Variants in NLGN1 observed in about 807,000 individuals in gnomAD.
NLGN1 encodes neuroligin-1.
NLGN1 carries 12 observed loss-of-function variants against 65.5 expected under a neutral mutation model. The ratio of observed to expected loss-of-function variants is 0.18; its 90% CI spans 0.12 to 0.30. The LOEUF is 0.30. Among genes scored for constraint, NLGN1 ranks in the 10% least tolerant of loss-of-function variants. The pLI is 1.00. For missense variants in NLGN1, 750 were observed against 1,007.1 expected, an observed-to-expected ratio of 0.74 and a Z score of 3.46; for synonymous variants, 350 against 359.5, an observed-to-expected ratio of 0.97 and a Z score of 0.30.
intron 4 of NLGN1, among the ~76,000 whole-genome samples, chr3:174,264,683 C>T (rs1294933859): frequency 6.6e-6 from 1 of 151,710 alleles, no homozygotes; most frequent in Non-Finnish European, 1.5e-5. Flanking sequence ...CCCCTCAGCT[C>T]GTCAAAGTCA....
In NLGN1 at chr3:173,581,568, C is replaced by G. The variant is rs112956903; in HGVS notation, c.-320-22711C>G. ...ATTACATATATATTTTTTTCAATTT[C>G]AACCATATTTTCCCATTTAGGTGGT... On this transcript the variant is annotated intron_variant, in intron 2 of 6. Coordinates refer to ENST00000457714, the Ensembl canonical transcript of NLGN1. Among the ~76,000 whole-genome samples the G allele has an allele frequency of 9.1e-3, 1,388 of 151,934 alleles. 32 individuals are homozygous for G. Among genetic ancestry groups the G allele is most frequent in the African/African-American group, 0.032 (1,325 of 41,506 alleles).
chr3:174,266,081 A>G (rs1488596452), intron 4 of NLGN1, among the ~76,000 whole-genome samples: 2 of 149,184 alleles, frequency 1.3e-5, no homozygotes, highest in Non-Finnish European at 3.0e-5. Context: ...TTTTAGGTGC[A>G]GTGGCTATAT....
At chr3:173,833,732 G>T (rs1389536808) in intron 4 of NLGN1, among the ~76,000 whole-genome samples, 1 of 152,066 alleles carries the variant, frequency 6.6e-6, no homozygotes, top group Non-Finnish European at 1.5e-5. Flanking sequence ...TGTCCAGGCT[G>T]TTCTCAAACT....
chr3:173,766,514 T>G (rs1253312641), intron 3 of NLGN1, among the ~76,000 whole-genome samples: 1 of 152,170 alleles, frequency 6.6e-6, no homozygotes, highest in African/African-American at 2.4e-5. Context: ...AGTGGTATTT[T>G]CTACTTATTG....
chr3:174,044,959 A>G (rs1289036238), intron 4 of NLGN1, among the ~76,000 whole-genome samples: 2 of 151,992 alleles, frequency 1.3e-5, no homozygotes, highest in Non-Finnish European at 2.9e-5. Context: ...TCCTTCCACA[A>G]TGATTATAAG....
Position 173,533,206 on chromosome 3 carries a change from T to A in NLGN1, c.-320-71073T>A, listed in dbSNP as rs115453359. Among the ~76,000 whole-genome samples the A allele has an allele frequency of 6.7e-3, 1,021 of 152,342 alleles. 18 individuals carry two copies. Among genetic ancestry groups the A allele is most frequent in the African/African-American group, 0.023 (966 of 41,576 alleles). On this transcript the variant is annotated intron_variant, in intron 2 of 6. Coordinates refer to ENST00000457714, the Ensembl canonical transcript of NLGN1. The stretch of plus-strand genomic sequence containing the variant: ...TATTGGATAACTCACACAAAACTGT[T>A]ATACTTCAATTAAATCTGTATTAGA...
intron 3 of NLGN1, among the ~76,000 whole-genome samples, chr3:173,614,686 C>T (rs955607849): frequency 3.3e-5 from 5 of 152,032 alleles, no homozygotes; most frequent in African/African-American, 1.2e-4. Context: ...CTTGACCTAT[C>T]CCCAACTTCC....
At position 174,175,102 on chromosome 3, in the gene NLGN1, G is replaced by A. The variant is rs1729204283; in HGVS notation, c.647-100213G>A. On this transcript the variant is annotated intron_variant, in intron 4 of 6. Coordinates refer to ENST00000457714, the Ensembl canonical transcript of NLGN1. ...TCTTTGGGAATGATCCATGTGCTGA[G>A]GAGAAGAATGTATACTCTGCAGCTT... is the stretch of plus-strand genomic sequence containing the variant. Among the ~76,000 whole-genome samples, 3 of 151,882 alleles carry A rather than the reference G, an allele frequency of 2.0e-5. No homozygotes were observed. The South Asian group carries it at 6.2e-4, about 31-fold the overall frequency.
At chr3:173,713,339 A>G (rs1163483436) in intron 3 of NLGN1, among the ~76,000 whole-genome samples, 1 of 152,142 alleles carries the variant, frequency 6.6e-6, no homozygotes, top group East Asian at 1.9e-4. Context: ...CAAATTACAA[A>G]GATACATGGC....
intron 2 of NLGN1, among the ~76,000 whole-genome samples, chr3:173,505,157 CAG>C (rs2149074827): frequency 6.6e-6 from 1 of 152,030 alleles, no homozygotes; most frequent in African/African-American, 2.4e-5. Flanking sequence ...AGTCAGGAAA[CAG>C]AGACTTACTC....
chr3:174,166,060 A>C (rs1727435068), intron 4 of NLGN1, among the ~76,000 whole-genome samples: 1 of 151,640 alleles, frequency 6.6e-6, no homozygotes, highest in Non-Finnish European at 1.5e-5. Flanking sequence ...GTCATTTCTG[A>C]TTGGGCTTAT....
intron 2 of NLGN1, among the ~76,000 whole-genome samples, chr3:173,572,758 A>G (rs1744852533): frequency 6.6e-6 from 1 of 152,104 alleles, no homozygotes; most frequent in Non-Finnish European, 1.5e-5. Context: ...CTCTCATCTG[A>G]TCAGTCCTTT....
intron 4 of NLGN1, among the ~76,000 whole-genome samples, chr3:174,092,807 T>C (rs1378421919): frequency 6.6e-6 from 1 of 152,162 alleles, no homozygotes; most frequent in Non-Finnish European, 1.5e-5. Flanking sequence ...ACTTAATGAT[T>C]ATTCAAAAGT....
chr3:173,498,881 G>A (rs902802576), intron 2 of NLGN1, among the ~76,000 whole-genome samples: 39 of 151,420 alleles, frequency 2.6e-4, no homozygotes, highest in Non-Finnish European at 4.9e-4. Context: ...CATATCCTTC[G>A]CCCACTTTTT....
chr3:174,222,615 T>G (rs757076775), intron 4 of NLGN1, among the ~76,000 whole-genome samples: 2 of 152,186 alleles, frequency 1.3e-5, no homozygotes, highest in Non-Finnish European at 2.9e-5. Flanking sequence ...TTATTTTGCA[T>G]TGACACAAAA....
chr3:173,571,078 C>T (rs748116078), intron 2 of NLGN1, among the ~76,000 whole-genome samples: 7 of 152,154 alleles, frequency 4.6e-5, no homozygotes, highest in Non-Finnish European at 1.0e-4. Context: ...TATCTGAGGT[C>T]TTTCTGTACC....
At chr3:174,087,193 A>G (rs1172988692) in intron 4 of NLGN1, among the ~76,000 whole-genome samples, 2 of 152,194 alleles carry the variant, frequency 1.3e-5, no homozygotes, top group African/African-American at 2.4e-5. Context: ...CCTGGGTGAC[A>G]AAATAATCTA....
intron 3 of NLGN1, among the ~76,000 whole-genome samples, chr3:173,803,119 G>T (rs1246311124): frequency 6.6e-6 from 1 of 152,092 alleles, no homozygotes; most frequent in Non-Finnish European, 1.5e-5. Context: ...GGGGTTACAG[G>T]CGTGAGCCAC....
chr3:174,146,782 G>A (rs934982006), intron 4 of NLGN1, among the ~76,000 whole-genome samples: 2 of 150,508 alleles, frequency 1.3e-5, no homozygotes, highest in Non-Finnish European at 3.0e-5. Flanking sequence ...TGGCCAGGCT[G>A]GTCTCAAACT....
Sources: gnomAD v4.1 joint callset for allele counts (sites outside exome capture counted in the v4.1 genomes callset) on GRCh38, gnomAD v4.1.1 for gene constraint, MANE v1.5 for transcripts, NCBI Gene and HGNC (gene_info 2026-07-23, HGNC 2026-07-21) for gene names.